Variants in PLXNA4 observed in about 807,000 individuals in gnomAD.
The protein encoded by PLXNA4 is plexin A4.
In PLXNA4, 44 loss-of-function variants were observed where a neutral mutation model predicts 191.8. The ratio of observed to expected loss-of-function variants is 0.23; its 90% CI spans 0.18 to 0.29. The LOEUF (loss-of-function observed/expected upper bound fraction) is 0.29, where lower values mean the gene tolerates loss of function less well. PLXNA4 is among the 10% of genes least tolerant of loss of function. The pLI is 1.00. For synonymous variants in PLXNA4, 1,082 were observed against 1,009.5 expected (o/e 1.07, Z -1.36); for missense variants, 1,800 against 2,488.8 (o/e 0.72, Z 5.89).
chr7:132,369,501 A>C (rs540276132), intron 3 of PLXNA4, among the ~76,000 whole-genome samples: 7 of 152,218 alleles, frequency 4.6e-5, no homozygotes, highest in African/African-American at 1.7e-4. Context: ...TGGCTTGGCT[A>C]ATGGAAGAAG....
intron 2 of PLXNA4, among the ~76,000 whole-genome samples, chr7:132,501,093 G>GGT (rs1190509284): frequency 2.4e-5 from 3 of 126,478 alleles, no homozygotes; most frequent in Non-Finnish European, 5.2e-5. Flanking sequence ...CACTGCATGA[G>GGT]GCGTGTGTGT....
At position 132,508,197 on chromosome 7, in the gene PLXNA4, C is replaced by T; in HGVS notation, c.497G>A (p.Ser166Asn). 6.2e-7 allele frequency: 1 copy of T among 1,614,232 alleles called. No individual in the cohort carries two copies. The highest frequency in any genetic ancestry group is 8.5e-7 in the Non-Finnish European group (1 of 1,180,036). Residue 166 changes from serine (S) to asparagine (N), a missense_variant, in exon 2 of 32, where the codon AGC becomes AAC. By Grantham distance (46) the Ser-to-Asn change is conservative. Transcript: ENST00000321063. This position sits in a 1 kb window ranked among gnomAD's most constrained non-coding sequence, Gnocchi z 4.4. ...KEHYLSGVNE[S>N]GSVFGVIVSY... ...GACGATCACTCCAAAGACTGAGCCG[C>T]TCTCGTTGACACCTGACAGATAGTG...
chr7:132,205,949 A>G (rs1228516380), intron 10 of PLXNA4, among the ~76,000 whole-genome samples: 1 of 152,228 alleles, frequency 6.6e-6, no homozygotes, highest in African/African-American at 2.4e-5. Context: ...ATACATATGC[A>G]TGTGAGCATC....
intron 2 of PLXNA4, among the ~76,000 whole-genome samples, chr7:132,633,503 G>A (rs1335814458): frequency 6.6e-6 from 1 of 152,038 alleles, no homozygotes; most frequent in African/African-American, 2.4e-5. Flanking sequence ...GGATGGTCTT[G>A]ATTTTCTGAC....
chr7:132,387,921 A>T (rs963133022), intron 3 of PLXNA4, among the ~76,000 whole-genome samples: 1 of 152,066 alleles, frequency 6.6e-6, no homozygotes, highest in Non-Finnish European at 1.5e-5. Flanking sequence ...TGTCTCCAGC[A>T]TAGAGCCAGA....
chr7:132,340,001 C>G (rs1802964362), intron 3 of PLXNA4, among the ~76,000 whole-genome samples: 1 of 152,200 alleles, frequency 6.6e-6, no homozygotes, highest in East Asian at 1.9e-4. Context: ...AATACTCACT[C>G]AGCATCCCTG....
At chr7:132,496,171 C>T (rs947350652) in intron 2 of PLXNA4, among the ~76,000 whole-genome samples, 2 of 152,212 alleles carry the variant, frequency 1.3e-5, no homozygotes, top group South Asian at 2.1e-4. Context: ...TCTGGGCTCA[C>T]GTCCAAGTTC....
At chr7:132,385,861 T>C (rs1393842776) in intron 3 of PLXNA4, among the ~76,000 whole-genome samples, 1 of 152,194 alleles carries the variant, frequency 6.6e-6, no homozygotes, top group Non-Finnish European at 1.5e-5. Flanking sequence ...CAATAAATCA[T>C]AAGCACAAAT....
intron 30 of PLXNA4, among the ~76,000 whole-genome samples, chr7:132,133,483 C>T (rs1795027355): frequency 6.6e-6 from 1 of 152,166 alleles, no homozygotes; most frequent in Non-Finnish European, 1.5e-5. Flanking sequence ...AGGGTCCCAA[C>T]TCGGGCATCC....
At chr7:132,548,741 T>G (rs543971549) in intron 1 of PLXNA4, among the ~76,000 whole-genome samples, 26 of 152,338 alleles carry the variant, frequency 1.7e-4, no homozygotes, top group African/African-American at 6.0e-4. Context: ...CCTACTGGGC[T>G]ACATTCCCAG....
intron 1 of PLXNA4, among the ~76,000 whole-genome samples, chr7:132,539,056 G>A (rs1799962908): frequency 6.6e-6 from 1 of 152,134 alleles, no homozygotes; most frequent in Admixed American, 6.5e-5. Flanking sequence ...TGTGACTGCT[G>A]CCACCCTCTC....
intron 3 of PLXNA4, among the ~76,000 whole-genome samples, chr7:132,378,763 A>G (rs7807933): frequency 0.14 from 21,314 of 151,766 alleles, 1,859 homozygotes; most frequent in Admixed American, 0.21. Context: ...ATTTCACTCA[A>G]TGGTATCAGG....
At chr7:132,323,545 C>A (rs1187347841) in intron 3 of PLXNA4, among the ~76,000 whole-genome samples, 1 of 152,128 alleles carries the variant, frequency 6.6e-6, no homozygotes, top group African/African-American at 2.4e-5. Context: ...ACTCTCCCTC[C>A]AAAATAGGTC....
chr7:132,328,166 C>T (rs535750801), intron 3 of PLXNA4, among the ~76,000 whole-genome samples: 10 of 152,104 alleles, frequency 6.6e-5, no homozygotes, highest in Non-Finnish European at 1.0e-4. Context: ...CTGGGTCGGG[C>T]GGGCGCTGGC....
intron 2 of PLXNA4, among the ~76,000 whole-genome samples, chr7:132,592,089 C>T (rs1802613737): frequency 6.6e-6 from 1 of 152,110 alleles, no homozygotes; most frequent in Non-Finnish European, 1.5e-5. Context: ...GGTGAAAGTC[C>T]CCTCAGGAAA....
chr7:132,371,224 T>A (rs1804426814), intron 3 of PLXNA4, among the ~76,000 whole-genome samples: 1 of 152,012 alleles, frequency 6.6e-6, no homozygotes, highest in South Asian at 2.1e-4. Flanking sequence ...TTTGGCTCCG[T>A]GTTATGTATA....
At chr7:132,406,353 CAGTT>C (rs1794219488) in intron 3 of PLXNA4, among the ~76,000 whole-genome samples, 1 of 152,182 alleles carries the variant, frequency 6.6e-6, no homozygotes, top group Non-Finnish European at 1.5e-5. Context: ...AAATTGGAGT[CAGTT>C]ACTCAGCTAC....
chr7:132,330,781 C>A (rs1398088170), intron 3 of PLXNA4, among the ~76,000 whole-genome samples: 1 of 152,190 alleles, frequency 6.6e-6, no homozygotes, highest in African/African-American at 2.4e-5. Context: ...CTGACCCTGG[C>A]AGCCACCTGG....
chr7:132,533,882 A>C (rs556578290), intron 1 of PLXNA4, among the ~76,000 whole-genome samples: 1 of 152,344 alleles, frequency 6.6e-6, no homozygotes, highest in South Asian at 2.1e-4. Context: ...CCACAGAACC[A>C]GACCCCTGTG....
Sources: allele counts gnomAD v4.1 joint callset (sites outside exome capture counted in the v4.1 genomes callset), GRCh38; gene constraint gnomAD v4.1.1; non-coding constraint Gnocchi (gnomAD v3.1); transcripts MANE v1.5; gene names NCBI Gene and HGNC (gene_info 2026-07-23, HGNC 2026-07-21).